OPA1: variants seen among roughly 807,000 people sequenced by gnomAD.
OPA1 encodes OPA1 mitochondrial dynamin like GTPase.
In OPA1, 59 loss-of-function variants were observed where a neutral mutation model predicts 152.9. The ratio of observed to expected loss-of-function variants is 0.39; its 90% confidence interval spans 0.31 to 0.48. OPA1 has a LOEUF of 0.48. Ranked by LOEUF, OPA1 falls within the 20% of genes least tolerant of loss-of-function variation. OPA1 has a pLI of 0.96. For missense variants in OPA1, 1,008 were observed against 1,216.8 expected (o/e 0.83, Z 2.55); for synonymous variants, 400 against 389.9 (o/e 1.03, Z -0.31).
intron 21 of OPA1, among the ~76,000 whole-genome samples, chr3:193,653,189 G>A (rs911829931): frequency 6.6e-6 from 1 of 152,078 alleles, no homozygotes; most frequent in African/African-American, 2.4e-5. Flanking sequence ...GTCCTTTTGG[G>A]CCCCAGTCAT....
chr3:193,630,685 T>A (rs1336798852), intron 7 of OPA1, among the ~76,000 whole-genome samples: 1 of 152,158 alleles, frequency 6.6e-6, no homozygotes. Context: ...AAGTTTTGAT[T>A]TTCAGAAATT....
intron 29 of OPA1, among the ~76,000 whole-genome samples, chr3:193,676,177 A>G (rs1223259433): frequency 6.6e-6 from 1 of 152,236 alleles, no homozygotes; most frequent in Non-Finnish European, 1.5e-5. Flanking sequence ...AATACATTCA[A>G]GTACTTTTTG....
At chr3:193,625,916 G>A in intron 6 of OPA1, 176 bp from the exon 7 acceptor site, 1 of 609,458 alleles carries the variant, frequency 1.6e-6, no homozygotes, top group Non-Finnish European at 3.0e-6. Flanking sequence ...ATTTACTGAG[G>A]AGGAAAATGG....
chr3:193,634,382 G>A (rs1732606105), intron 8 of OPA1, among the ~76,000 whole-genome samples: 1 of 151,468 alleles, frequency 6.6e-6, no homozygotes, highest in South Asian at 2.1e-4. Context: ...TTGTCAAGTA[G>A]TTGCTTGGCT....
intron 3 of OPA1, among the ~76,000 whole-genome samples, chr3:193,615,997 T>TA (rs987252787): frequency 2.0e-5 from 3 of 152,218 alleles, no homozygotes; most frequent in African/African-American, 7.2e-5. Flanking sequence ...TAATTATACT[T>TA]ACTATATGTG....
chr3:193,635,403 A>G lies in OPA1; in HGVS notation c.844-15A>G, dbSNP rs1442732242. The G allele has an allele frequency of 2.0e-6, 3 of 1,471,794 alleles. No homozygotes were observed. Among genetic ancestry groups the G allele is most frequent in the Non-Finnish European group, 2.9e-6 (3 of 1,051,022 alleles). The allele number at this position is 1,471,794 out of a possible 1,614,324, so 91.2% of individuals were successfully genotyped here. A position where few individuals can be genotyped will look rare whatever the true frequency, so the allele number is the denominator to read the frequency against. Reference sequence around the variant, plus strand: ...ATCTTTTGCTTATATAGTTACACTTATTATTTTATTGCAGTTGAAGTATCA... The same window carrying G: ...ATCTTTTGCTTATATAGTTACACTTGTTATTTTATTGCAGTTGAAGTATCA... On this transcript the variant is annotated splice_polypyrimidine_tract_variant and intron_variant, in intron 8 of 30. Transcript: ENST00000361510.
rs745420039 is a variant in OPA1 at position 193,654,893 on chromosome 3, A to G, written c.2044A>G (p.Arg682Gly). The G allele has an allele frequency of 6.2e-6, 10 of 1,613,952 alleles. No homozygotes were observed. In the South Asian group the frequency reaches 9.9e-5, roughly 16 times the overall value. Residue 682 changes from arginine to glycine, a missense_variant, in exon 22 of 31, where the codon AGA (arginine) becomes GGA (glycine). Around this residue, in one of 7 missense-constraint regions of OPA1, gnomAD observed 229 missense variants for 269.0 expected, o/e 0.85. Coordinates refer to ENST00000361510, the MANE Select transcript of OPA1 (RefSeq NM_130837.3). The stretch of plus-strand genomic sequence containing the variant: ...AATCCTTCAACAATCTTTGTGGGAA[A>G]GAGTATCAACTCATGTGATTGAAAA... ...EEILQQSLWERVSTHVIENIY... is the reference protein window; with the variant it reads ...EEILQQSLWEGVSTHVIENIY...
chr3:193,634,829 G>A (rs532573800), intron 8 of OPA1, among the ~76,000 whole-genome samples: 1 of 152,136 alleles, frequency 6.6e-6, no homozygotes, highest in Non-Finnish European at 1.5e-5. Flanking sequence ...AAGTGACCTT[G>A]GTCAGGCTCT....
chr3:193,675,785 T>A (rs1718867709), intron 29 of OPA1, among the ~76,000 whole-genome samples: 1 of 152,224 alleles, frequency 6.6e-6, no homozygotes, highest in Non-Finnish European at 1.5e-5. Context: ...CATTCATAAA[T>A]TCCCCATACC....
intron 7 of OPA1, 96 bp from the exon 8 acceptor site, chr3:193,631,513 AGTT>A (rs1210480736): frequency 7.7e-6 from 6 of 782,258 alleles, no homozygotes; most frequent in Admixed American, 2.3e-5. Context: ...ATATAAAGTC[AGTT>A]GTTTTTAACT....
intron 21 of OPA1, among the ~76,000 whole-genome samples, chr3:193,650,528 A>T (rs1712142822): frequency 6.6e-6 from 1 of 152,162 alleles, no homozygotes; most frequent in Non-Finnish European, 1.5e-5. Flanking sequence ...ATCCTATGTG[A>T]TATTTTAGGA....
intron 29 of OPA1, among the ~76,000 whole-genome samples, chr3:193,672,217 A>G (rs1019912577): frequency 6.6e-6 from 1 of 152,194 alleles, no homozygotes; most frequent in Non-Finnish European, 1.5e-5. Flanking sequence ...TCTTTCTATT[A>G]TGATCTATTT....
intron 1 of OPA1, among the ~76,000 whole-genome samples, chr3:193,607,996 C>G (rs1577134908): frequency 6.6e-6 from 1 of 152,202 alleles, no homozygotes; most frequent in Non-Finnish European, 1.5e-5. Context: ...ATGTTGGATT[C>G]CTAGGTATTT....
At chr3:193,670,798 A>G (rs1717753839) in intron 29 of OPA1, among the ~76,000 whole-genome samples, 1 of 152,232 alleles carries the variant, frequency 6.6e-6, no homozygotes, top group Non-Finnish European at 1.5e-5. Context: ...GAAATGAAAA[A>G]GGAGCTCACA....
At chr3:193,661,531 G>C (rs115025410) in intron 25 of OPA1, among the ~76,000 whole-genome samples, 1 of 152,162 alleles carries the variant, frequency 6.6e-6, no homozygotes, top group African/African-American at 2.4e-5. Context: ...GTCTCACATC[G>C]TAAGTTCACT....
intron 29 of OPA1, among the ~76,000 whole-genome samples, chr3:193,683,620 G>A (rs543042852): frequency 1.6e-4 from 25 of 152,066 alleles, no homozygotes; most frequent in African/African-American, 5.1e-4. Context: ...CATAGCCACC[G>A]TAACCTGCAA....
intron 21 of OPA1, among the ~76,000 whole-genome samples, chr3:193,649,668 A>G (rs1711909672): frequency 6.6e-6 from 1 of 152,202 alleles, no homozygotes; most frequent in South Asian, 2.1e-4. Context: ...CCTAGATAGT[A>G]GTATCTGGTC....
Position 193,642,991 on chromosome 3 carries a change from A to G in OPA1, c.1247A>G (p.His416Arg), listed in dbSNP as rs139207741. ...TTCCATTAGCTTGCAGCATTAAGACATGAAATAGAACTTCGAATGAGGAAA... is the reference window on the plus strand; with the variant it reads ...TTCCATTAGCTTGCAGCATTAAGACGTGAAATAGAACTTCGAATGAGGAAA... The part of the protein sequence containing the change: ...TKEEDLAALR[H>R]EIELRMRKNV... Residue 416 changes from histidine to arginine, a missense_variant, in exon 13 of 31, where the codon CAT becomes CGT. Around this residue, in one of 7 missense-constraint regions of OPA1, gnomAD observed 213 missense variants for 291.4 expected, o/e 0.73. Transcript: ENST00000361510. 2 of 1,613,800 alleles carry G rather than the reference A, an allele frequency of 1.2e-6. No homozygotes were observed. Among genetic ancestry groups the G allele is most frequent in the African/African-American group, 1.3e-5 (1 of 74,944 alleles).
intron 8 of OPA1, 94 bp downstream of exon 8, chr3:193,631,759 A>G: frequency 9.5e-7 from 1 of 1,051,464 alleles, no homozygotes; most frequent in Non-Finnish European, 1.5e-6. Flanking sequence ...CAACAGAGCA[A>G]AATTTGGAAG....
Sources: gnomAD v4.1 joint callset for allele counts (sites outside exome capture counted in the v4.1 genomes callset) on GRCh38, gnomAD v4.1.1 for gene constraint, gnomAD v4.1.1 regional missense constraint, MANE v1.5 for transcripts, NCBI Gene and HGNC (gene_info 2026-07-23, HGNC 2026-07-21) for gene names.